Variants in CFAP100 observed in about 807,000 individuals in gnomAD.
The protein encoded by CFAP100 is cilia- and flagella-associated protein 100.
Under a neutral mutation model 81.5 loss-of-function variants are expected in CFAP100, and 70 were observed. The observed-to-expected ratio is 0.86, with a 90% CI of 0.71 to 1.05. The LOEUF (loss-of-function observed/expected upper bound fraction) is 1.05. Ranked by LOEUF, CFAP100 falls within the 50% of genes least tolerant of loss-of-function variation. The pLI is 0.00. For synonymous variants in CFAP100, 341 were observed against 314.8 expected, an observed-to-expected ratio of 1.08 and a Z score of -0.88; for missense variants, 811 against 776.5, an observed-to-expected ratio of 1.04 and a Z score of -0.53.
chr3:126,407,177 A>T lies in CFAP100; in HGVS notation c.55A>T (p.Ser19Cys). The T allele has an allele frequency of 6.2e-7, 1 of 1,613,322 alleles. No homozygotes were observed. The highest frequency in any genetic ancestry group is 8.5e-7 in the Non-Finnish European group (1 of 1,179,474). Residue 19 changes from serine (S) to cysteine (C), a missense_variant, in exon 3 of 17, where the codon AGC becomes TGC. Physicochemically the swap from Ser to Cys is moderately radical, Grantham distance 112. Coordinates refer to ENST00000352312, the MANE Select transcript of CFAP100 (RefSeq NM_182628.3). The part of the protein sequence containing the change: ...VSKNMTNDKN[S>C]LESMNISSSS... ...TCACTTTTGTGTCTCCTCAGAGAAC[A>T]GCCTGGAATCCATGAACATCAGCTC...
intron 13 of CFAP100, 176 bp from the exon 14 acceptor site, chr3:126,432,893 C>T (rs186892964): frequency 7.9e-6 from 4 of 505,654 alleles, no homozygotes; most frequent in Admixed American, 3.8e-5. Flanking sequence ...TTACATTTTC[C>T]CCTACATTCT....
At chr3:126,400,679 G>A (rs1339288027) in intron 2 of CFAP100, among the ~76,000 whole-genome samples, 1 of 152,096 alleles carries the variant, frequency 6.6e-6, no homozygotes, top group African/African-American at 2.4e-5. Context: ...GTGAACCCGG[G>A]AGGCGGAGCT....
intron 1 of CFAP100, 79 bp from the exon 2 acceptor site, chr3:126,395,863 C>G: frequency 1.5e-6 from 1 of 687,278 alleles, no homozygotes; most frequent in Admixed American, 2.4e-5. Context: ...CAGCAAATGT[C>G]GGTGGCTGTC....
intron 14 of CFAP100, chr3:126,433,530 G>A: frequency 3.5e-6 from 1 of 282,482 alleles, no homozygotes; most frequent in South Asian, 5.2e-5. Flanking sequence ...GAGGGTGAGA[G>A]AATTGGGAGA....
At chr3:126,422,624 C>T (rs2083350899) in intron 11 of CFAP100, among the ~76,000 whole-genome samples, 1 of 152,148 alleles carries the variant, frequency 6.6e-6, no homozygotes, top group Admixed American at 6.5e-5. Flanking sequence ...ACACTGAGTG[C>T]TTAAAGCTCA....
At chr3:126,405,811 A>G (rs575588239) in intron 2 of CFAP100, among the ~76,000 whole-genome samples, 1 of 152,172 alleles carries the variant, frequency 6.6e-6, no homozygotes, top group South Asian at 2.1e-4. Context: ...TTTTAGAGAC[A>G]GGGTCTCACC....
intron 5 of CFAP100, 58 bp from the exon 6 acceptor site, chr3:126,418,379 AAGGCTCCTCTGCAGACCTGCC>A: frequency 7.6e-7 from 1 of 1,322,172 alleles, no homozygotes; most frequent in Non-Finnish European, 1.1e-6. Flanking sequence ...CAGCCGGTGG[AAGGCTCCTCTGCAGACCTGCC>A]AGGCCCCTCC....
chr3:126,425,896 G>A (rs2083396543), intron 13 of CFAP100, among the ~76,000 whole-genome samples: 2 of 151,952 alleles, frequency 1.3e-5, no homozygotes, highest in African/African-American at 4.8e-5. Flanking sequence ...GGAATAGAAG[G>A]GAATTTCCTC....
chr3:126,435,389 G>A (rs1933405737), intron 15 of CFAP100, among the ~76,000 whole-genome samples, 170 bp from the exon 16 acceptor site: 1 of 152,204 alleles, frequency 6.6e-6, no homozygotes, highest in Non-Finnish European at 1.5e-5. Context: ...GCCAAAAGCA[G>A]CGGTGCTTTG....
At chr3:126,429,451 A>G (rs967824305) in intron 13 of CFAP100, among the ~76,000 whole-genome samples, 3 of 151,798 alleles carry the variant, frequency 2.0e-5, no homozygotes, top group Non-Finnish European at 4.4e-5. Flanking sequence ...TTTTTGACTT[A>G]AAGTCTATTT....
chr3:126,429,547 TTGA>T (rs1291732546), intron 13 of CFAP100, among the ~76,000 whole-genome samples: 1 of 152,088 alleles, frequency 6.6e-6, no homozygotes, highest in African/African-American at 2.4e-5. Context: ...TCTTTTGGGT[TTGA>T]TGTTTTTGTT....
intron 6 of CFAP100, 26 bp downstream of exon 6, chr3:126,418,551 T>C (rs765591305): frequency 6.2e-7 from 1 of 1,613,904 alleles, no homozygotes; most frequent in Admixed American, 1.7e-5. Context: ...CCCAGAGCGA[T>C]GGATGCCAGC....
chr3:126,434,443 C>T (rs1248536880), intron 15 of CFAP100, 62 bp downstream of exon 15: 7 of 1,507,614 alleles, frequency 4.6e-6, no homozygotes, highest in Non-Finnish European at 4.5e-6. Context: ...GCAGAGGGCA[C>T]ATACAGGCCC....
At chr3:126,417,484 G>A (rs1427866548) in intron 5 of CFAP100, among the ~76,000 whole-genome samples, 1 of 152,248 alleles carries the variant, frequency 6.6e-6, no homozygotes, top group Non-Finnish European at 1.5e-5. Context: ...CACCTGGGGA[G>A]TGGCGCCCTG....
At chr3:126,396,108 C>T in intron 2 of CFAP100, 59 bp downstream of exon 2, 2 of 1,309,538 alleles carry the variant, frequency 1.5e-6, no homozygotes, top group South Asian at 2.4e-5. Flanking sequence ...GGAGCCTGTC[C>T]AGCTCCCTCA....
intron 13 of CFAP100, among the ~76,000 whole-genome samples, chr3:126,424,403 G>A (rs2083380474): frequency 6.6e-6 from 1 of 152,254 alleles, no homozygotes; most frequent in Non-Finnish European, 1.5e-5. Flanking sequence ...GTTCCAGCCA[G>A]AGAGGCAGCA....
chr3:126,433,251 C>A (rs200355783), intron 14 of CFAP100, 47 bp downstream of exon 14: 3 of 1,604,324 alleles, frequency 1.9e-6, no homozygotes, highest in Admixed American at 1.7e-5. Context: ...AAGGAGGGAC[C>A]CTTGGGCACC....
intron 4 of CFAP100, among the ~76,000 whole-genome samples, 155 bp from the exon 5 acceptor site, chr3:126,416,161 G>C (rs1325650287): frequency 6.6e-6 from 1 of 152,118 alleles, no homozygotes; most frequent in East Asian, 1.9e-4. Context: ...CCCAACAGCT[G>C]CCCTGCCTGC....
intron 2 of CFAP100, among the ~76,000 whole-genome samples, chr3:126,398,283 C>T (rs777627763): frequency 6.6e-6 from 1 of 152,162 alleles, no homozygotes; most frequent in South Asian, 2.1e-4. Context: ...GCACTGGGGT[C>T]GCGCGTGGAC....
Sources: gnomAD v4.1 joint callset for allele counts (sites outside exome capture counted in the v4.1 genomes callset) on GRCh38, gnomAD v4.1.1 for gene constraint, MANE v1.5 for transcripts, NCBI Gene and HGNC (gene_info 2026-07-23, HGNC 2026-07-21) for gene names.